Variants in KHDRBS2 observed in about 807,000 individuals in gnomAD.
KHDRBS2 encodes the protein KH domain-containing, RNA-binding, signal transduction-associated protein 2.
In KHDRBS2, 26 loss-of-function variants were observed where a neutral mutation model predicts 44.3. The ratio of observed to expected loss-of-function variants is 0.59; its 90% CI spans 0.43 to 0.81. KHDRBS2 has a LOEUF of 0.81. Among genes scored for constraint, KHDRBS2 ranks in the 40% least tolerant of loss-of-function variants. KHDRBS2 has a pLI of 0.00. For synonymous variants in KHDRBS2, 194 were observed against 151.1 expected (o/e 1.28, Z -2.08); for missense variants, 476 against 433.1 (o/e 1.10, Z -0.88).
intron 5 of KHDRBS2, among the ~76,000 whole-genome samples, chr6:61,897,260 A>C (rs1370789463): frequency 6.6e-6 from 1 of 152,132 alleles, no homozygotes; most frequent in Non-Finnish European, 1.5e-5. Flanking sequence ...GTGATTCCAA[A>C]ATACAGGCCA....
At chr6:61,627,661 C>A in the KHDRBS2 span, among the ~76,000 whole-genome samples, 1 of 152,138 alleles carries the variant, frequency 6.6e-6, no homozygotes, top group Non-Finnish European at 1.5e-5. Context: ...GTTCAGTTTT[C>A]TGGTTGGTGA....
intron 2 of KHDRBS2, among the ~76,000 whole-genome samples, chr6:62,093,644 T>C (rs1428039465): frequency 6.6e-6 from 1 of 151,860 alleles, no homozygotes; most frequent in African/African-American, 2.4e-5. Flanking sequence ...CTCTCATCCC[T>C]CCTTTACACC....
chr6:61,643,525 G>T, the KHDRBS2 span, among the ~76,000 whole-genome samples: 1 of 152,120 alleles, frequency 6.6e-6, no homozygotes, highest in African/African-American at 2.4e-5. Flanking sequence ...AACTATCCTT[G>T]TTTGCAGACA....
the KHDRBS2 span, among the ~76,000 whole-genome samples, chr6:61,597,172 C>A: frequency 6.6e-6 from 1 of 152,082 alleles, no homozygotes. Flanking sequence ...GTAAAAATTT[C>A]TGGTGGTTTA....
At chr6:61,891,165 G>A (rs1202917535) in intron 6 of KHDRBS2, among the ~76,000 whole-genome samples, 2 of 152,160 alleles carry the variant, frequency 1.3e-5, no homozygotes, top group Non-Finnish European at 2.9e-5. Flanking sequence ...CATGTTTATG[G>A]ATAGTTGAAT....
intron 4 of KHDRBS2, among the ~76,000 whole-genome samples, chr6:61,975,829 T>C (rs1055960714): frequency 4.6e-5 from 7 of 152,152 alleles, no homozygotes; most frequent in Non-Finnish European, 8.8e-5. Flanking sequence ...TGATAGAAGG[T>C]AAAGGGGGCA....
intron 2 of KHDRBS2, among the ~76,000 whole-genome samples, chr6:62,157,092 A>G (rs1182144102): frequency 6.6e-6 from 1 of 151,620 alleles, no homozygotes; most frequent in Non-Finnish European, 1.5e-5. Flanking sequence ...GCGGTGGCTC[A>G]TACCTGTAAT....
chr6:62,159,183 C>G (rs1817089174), intron 2 of KHDRBS2, among the ~76,000 whole-genome samples: 1 of 151,990 alleles, frequency 6.6e-6, no homozygotes, highest in South Asian at 2.1e-4. Context: ...ATAATGAAAC[C>G]ATAATATTCA....
chr6:62,079,217 T>C (rs1796930850), intron 2 of KHDRBS2, among the ~76,000 whole-genome samples: 1 of 152,052 alleles, frequency 6.6e-6, no homozygotes. Context: ...TGCTGTTTTG[T>C]CTCTTATTTT....
chr6:61,650,000 A>G, the KHDRBS2 span, among the ~76,000 whole-genome samples: 2 of 152,100 alleles, frequency 1.3e-5, no homozygotes, highest in Non-Finnish European at 2.9e-5. Flanking sequence ...GCATCTTCAG[A>G]CCTGTAATTC....
intron 3 of KHDRBS2, among the ~76,000 whole-genome samples, chr6:61,987,364 C>T (rs1224739023): frequency 6.6e-6 from 1 of 152,094 alleles, no homozygotes; most frequent in Admixed American, 6.6e-5. Flanking sequence ...CAGGAATAAA[C>T]CAAATAATAA....
At chr6:61,751,741 C>T (rs373022764) in intron 6 of KHDRBS2, among the ~76,000 whole-genome samples, 75 of 152,124 alleles carry the variant, frequency 4.9e-4, no homozygotes, top group African/African-American at 1.8e-3. Context: ...CCTAGAGCTG[C>T]CATCAGAAAA....
chr6:61,554,333 T>C, the KHDRBS2 span, among the ~76,000 whole-genome samples: 1 of 152,176 alleles, frequency 6.6e-6, no homozygotes, highest in Non-Finnish European at 1.5e-5. Flanking sequence ...AACCCCTGTT[T>C]TTTTTTCGGT....
intron 6 of KHDRBS2, among the ~76,000 whole-genome samples, chr6:61,871,662 A>G (rs1261729308): frequency 6.6e-6 from 1 of 152,222 alleles, no homozygotes; most frequent in Non-Finnish European, 1.5e-5. Context: ...ATCTCTCGGC[A>G]GAATCTCTAC....
At chr6:61,550,145 A>T in the KHDRBS2 span, among the ~76,000 whole-genome samples, 1 of 152,188 alleles carries the variant, frequency 6.6e-6, no homozygotes, top group East Asian at 1.9e-4. Context: ...TTATTTTGTC[A>T]CCCAGGTAAC....
chr6:61,722,462 C>A (rs1270789840), intron 7 of KHDRBS2, among the ~76,000 whole-genome samples: 3 of 152,062 alleles, frequency 2.0e-5, no homozygotes, highest in African/African-American at 7.2e-5. Flanking sequence ...TATAATTATT[C>A]CATTTAGGCA....
At chr6:62,156,986 A>G (rs945729139) in intron 2 of KHDRBS2, among the ~76,000 whole-genome samples, 24 of 150,538 alleles carry the variant, frequency 1.6e-4, no homozygotes, top group African/African-American at 5.4e-4. Context: ...CGCCCGGCCA[A>G]TTTTGTAGCT....
intron 2 of KHDRBS2, among the ~76,000 whole-genome samples, chr6:62,105,207 T>C (rs1802891238): frequency 6.6e-6 from 1 of 152,164 alleles, no homozygotes. Context: ...AAAATAGAAG[T>C]AATGCTAATT....
the KHDRBS2 span, among the ~76,000 whole-genome samples, chr6:61,652,025 A>G: frequency 6.6e-6 from 1 of 152,108 alleles, no homozygotes; most frequent in African/African-American, 2.4e-5. Flanking sequence ...AAACTGAGAC[A>G]TCTGGAAACT....
Sources: allele counts gnomAD v4.1 joint callset (sites outside exome capture counted in the v4.1 genomes callset), GRCh38; gene constraint gnomAD v4.1.1; transcripts MANE v1.5; gene names NCBI Gene and HGNC (gene_info 2026-07-23, HGNC 2026-07-21).